Variants in FGD6 observed in about 807,000 individuals in gnomAD.
FGD6 encodes FYVE, RhoGEF and PH domain containing 6, also known as FYVE, RhoGEF and PH domain-containing protein 6.
Under a neutral mutation model 149.4 loss-of-function variants are expected in FGD6, and 90 were observed. That is an observed-to-expected ratio of 0.60 (90% CI 0.51 to 0.72). The LOEUF (loss-of-function observed/expected upper bound fraction) is 0.72, where lower values mean the gene tolerates loss of function less well. Ranked by LOEUF, FGD6 falls within the 30% of genes least tolerant of loss-of-function variation. The pLI, the probability that FGD6 is intolerant of heterozygous loss-of-function variation, is 0.00. For synonymous variants in FGD6, 527 were observed against 584.0 expected (o/e 0.90, Z 1.41); for missense variants, 1,437 against 1,684.8 (o/e 0.85, Z 2.57).
rs1471445018 is a variant in FGD6, at chr12:95,077,419, A to G, written c.*4101T>C. 1 of 152,346 alleles carries G rather than the reference A, an allele frequency of 6.6e-6. No individual in the cohort carries two copies. Among genetic ancestry groups the G allele is most frequent in the African/African-American group, 2.4e-5 (1 of 41,460 alleles). The allele number at this position is 152,346 out of a possible 1,614,324, so 9.4% of individuals were successfully genotyped here. On this transcript the variant is annotated 3_prime_UTR_variant, in exon 21 of 21. Coordinates refer to ENST00000343958, the MANE Select transcript of FGD6 (RefSeq NM_018351.4). ...GTCAGCTATCACAGAGAAGTCTTGG[A>G]TAAACAGAGATGCGGATGGGTCAAT...
chr12:95,087,755 TATTA>T (rs1877926638), intron 18 of FGD6, among the ~76,000 whole-genome samples: 1 of 152,230 alleles, frequency 6.6e-6, no homozygotes. Flanking sequence ...TCTTTAATTA[TATTA>T]ATTTCTTATA....
chr12:95,079,027 C>T lies in FGD6; in HGVS notation c.*2493G>A, dbSNP rs142377468. ...TAGACTGTGCCCAATATCATTTTTC[C>T]TCTAAAATACTAGCAAAATATATTT... is the stretch of plus-strand genomic sequence containing the variant. On this transcript the variant is annotated 3_prime_UTR_variant, in exon 21 of 21. Transcript: ENST00000343958. The T allele has an allele frequency of 8.1e-4, 123 of 152,220 alleles. 1 individual carries two copies. Among genetic ancestry groups the T allele is most frequent in the African/African-American group, 2.6e-3 (109 of 41,552 alleles). 9.4% of individuals were successfully genotyped at this position (152,220 alleles called of 1,614,324 possible). A position where few individuals can be genotyped will look rare whatever the true frequency, so the allele number is the denominator to read the frequency against.
chr12:95,084,830 G>T (rs1389239342), intron 19 of FGD6, among the ~76,000 whole-genome samples, 184 bp from the exon 20 acceptor site: 3 of 152,084 alleles, frequency 2.0e-5, no homozygotes, highest in Admixed American at 2.0e-4. Context: ...CCCTCCCTAG[G>T]TACCCTATAT....
intron 14 of FGD6, among the ~76,000 whole-genome samples, chr12:95,101,333 A>G (rs1878425814): frequency 6.6e-6 from 1 of 152,046 alleles, no homozygotes; most frequent in Non-Finnish European, 1.5e-5. Context: ...ACAGAGCGAG[A>G]CTCTGTCACA....
chr12:95,110,811 G>A (rs1878795789), intron 9 of FGD6, among the ~76,000 whole-genome samples: 1 of 152,064 alleles, frequency 6.6e-6, no homozygotes, highest in African/African-American at 2.4e-5. Flanking sequence ...GCTGCTACTT[G>A]GTCACCTGGT....
intron 3 of FGD6, among the ~76,000 whole-genome samples, chr12:95,153,491 G>A (rs186608152): frequency 5.3e-5 from 8 of 152,158 alleles, no homozygotes; most frequent in Admixed American, 2.6e-4. Flanking sequence ...GAGAAACCCC[G>A]CCTCCACTAA....
intron 14 of FGD6, among the ~76,000 whole-genome samples, chr12:95,104,029 G>C (rs565343216): frequency 9.9e-5 from 15 of 152,256 alleles, no homozygotes; most frequent in African/African-American, 3.6e-4. Context: ...TAAAGCACTA[G>C]TTGTTCTTAA....
intron 2 of FGD6, among the ~76,000 whole-genome samples, chr12:95,199,910 T>C (rs1881828805): frequency 6.6e-6 from 1 of 152,198 alleles, no homozygotes; most frequent in Non-Finnish European, 1.5e-5. Flanking sequence ...CTGAAATCCC[T>C]TTCTTCTTGG....
At chr12:95,122,712 C>T (rs146736856) in intron 8 of FGD6, among the ~76,000 whole-genome samples, 134 of 145,472 alleles carry the variant, frequency 9.2e-4, no homozygotes, top group African/African-American at 3.3e-3. Flanking sequence ...CTCAAATACT[C>T]ATTCAATTCT....
At position 95,081,407 on chromosome 12, in the gene FGD6, T is replaced by C; in HGVS notation, c.*113A>G. On this transcript the variant is annotated 3_prime_UTR_variant, in exon 21 of 21. Coordinates refer to ENST00000343958, the MANE Select transcript of FGD6 (RefSeq NM_018351.4). ...AAAACAATTTCTTTGATGAAGGGTC[T>C]GGTTGGCTTTATCTTGGCAGTGTTC... 3.8e-6 allele frequency: 3 copies of C among 780,318 alleles called. No individual in the cohort carries two copies. Among genetic ancestry groups the C allele is most frequent in the Non-Finnish European group, 5.7e-6 (3 of 529,248 alleles). 48.3% of individuals were successfully genotyped at this position (780,318 alleles called of 1,614,324 possible).
chr12:95,116,240 T>G (rs1032778124), intron 8 of FGD6, among the ~76,000 whole-genome samples: 1 of 152,162 alleles, frequency 6.6e-6, no homozygotes, highest in Admixed American at 6.6e-5. Context: ...TGGCTGACAG[T>G]TGACAGGGTT....
chr12:95,180,974 C>T (rs1023509951), intron 2 of FGD6, among the ~76,000 whole-genome samples: 3 of 137,530 alleles, frequency 2.2e-5, no homozygotes, highest in Non-Finnish European at 4.6e-5. Flanking sequence ...TCTGTGTAAA[C>T]ATTTTCAGGA....
chr12:95,196,811 T>C (rs1225719427), intron 2 of FGD6, among the ~76,000 whole-genome samples: 1 of 151,514 alleles, frequency 6.6e-6, no homozygotes, highest in Admixed American at 6.6e-5. Flanking sequence ...GGCTAATTTT[T>C]AAATTTTTTG....
intron 5 of FGD6, among the ~76,000 whole-genome samples, chr12:95,147,696 T>C (rs1480788904): frequency 1.3e-5 from 2 of 152,102 alleles, no homozygotes; most frequent in Admixed American, 1.3e-4. Context: ...TCCTATTAAG[T>C]AGTGGGTTAT....
At chr12:95,154,925 T>C (rs552311429) in intron 3 of FGD6, among the ~76,000 whole-genome samples, 60 of 129,626 alleles carry the variant, frequency 4.6e-4, no homozygotes, top group African/African-American at 1.6e-3. Flanking sequence ...TGTTAGTTCT[T>C]CATTTGGGAA....
intron 5 of FGD6, among the ~76,000 whole-genome samples, chr12:95,143,636 GC>G (rs1401451773): frequency 1.3e-5 from 2 of 152,106 alleles, no homozygotes; most frequent in African/African-American, 2.4e-5. Context: ...ATGGATATCA[GC>G]CATATTTCAC....
rs1565924551 is a variant in FGD6, at chr12:95,208,897, G to A, written c.2387C>T (p.Pro796Leu). 3 of 1,613,962 alleles carry A rather than the reference G, an allele frequency of 1.9e-6. No individual in the cohort carries two copies. The highest frequency in any genetic ancestry group is 1.3e-5 in the African/African-American group (1 of 74,956). ...ADANVYEVEEPYEAPDGQLQL... is the reference protein window; with the variant it reads ...ADANVYEVEELYEAPDGQLQL... ...CAGCTGGCCATCTGGAGCTTCATAC[G>A]GCTCTTCTACCTCATACACATTTGC... The change falls in exon 2 of 21, where the codon CCG (proline) becomes CTG (leucine). Residue 796 changes from proline (P) to leucine (L), a missense_variant. Physicochemically the swap from Pro to Leu is moderately conservative, Grantham distance 98. Coordinates refer to ENST00000343958, the MANE Select transcript of FGD6 (RefSeq NM_018351.4).
chr12:95,194,821 G>A (rs79980336), intron 2 of FGD6, among the ~76,000 whole-genome samples: 22,892 of 152,076 alleles, frequency 0.15, 1,816 homozygotes, highest in African/African-American at 0.18. Flanking sequence ...TCTATAAAAT[G>A]TTACCATTAA....
chr12:95,090,567 T>C (rs1459241087), intron 17 of FGD6, among the ~76,000 whole-genome samples: 1 of 152,126 alleles, frequency 6.6e-6, no homozygotes, highest in South Asian at 2.1e-4. Context: ...GTATAGGTGA[T>C]GAGGAAGGAG....
Sources: allele counts gnomAD v4.1 joint callset (sites outside exome capture counted in the v4.1 genomes callset), GRCh38; gene constraint gnomAD v4.1.1; transcripts MANE v1.5; gene names NCBI Gene and HGNC (gene_info 2026-07-23, HGNC 2026-07-21).